The following CORO2A variants were observed in gnomAD, a reference collection of about 807,000 sequenced individuals.
The protein encoded by CORO2A is coronin-2A.
Under a neutral mutation model 62.4 loss-of-function variants are expected in CORO2A, and 47 were observed. That is an observed-to-expected ratio of 0.75 (90% CI 0.60 to 0.96). CORO2A has a LOEUF of 0.96. Ranked by LOEUF, CORO2A falls within the 40% of genes least tolerant of loss-of-function variation. CORO2A has a pLI of 0.00. For missense variants in CORO2A, 610 were observed against 684.1 expected (o/e 0.89, Z 1.21); for synonymous variants, 273 against 268.9 (o/e 1.02, Z -0.15).
intron 1 of CORO2A, among the ~76,000 whole-genome samples, chr9:98,187,174 T>G (rs567528455): frequency 6.8e-6 from 1 of 147,600 alleles, no homozygotes; most frequent in African/African-American, 2.5e-5. Context: ...TCCCAGCTAC[T>G]GGGGAGGCTG....
intron 1 of CORO2A, among the ~76,000 whole-genome samples, chr9:98,191,938 G>C (rs975443655): frequency 2.0e-5 from 3 of 152,222 alleles, no homozygotes; most frequent in Non-Finnish European, 4.4e-5. Context: ...CCTACGTGGG[G>C]CTGGTCCAGG....
chr9:98,184,325 C>A (rs910396620), intron 1 of CORO2A, among the ~76,000 whole-genome samples: 3 of 151,864 alleles, frequency 2.0e-5, no homozygotes, highest in Non-Finnish European at 4.4e-5. Context: ...CCAGGAGGAG[C>A]CACCATGCCC....
intron 8 of CORO2A, among the ~76,000 whole-genome samples, 167 bp from the exon 9 acceptor site, chr9:98,128,886 G>A (rs1364294645): frequency 6.6e-6 from 1 of 152,202 alleles, no homozygotes; most frequent in African/African-American, 2.4e-5. Flanking sequence ...GGGAAATGGA[G>A]TTGAATTAAT....
chr9:98,179,398 A>G (rs998230803), intron 1 of CORO2A, among the ~76,000 whole-genome samples: 1 of 152,132 alleles, frequency 6.6e-6, no homozygotes, highest in African/African-American at 2.4e-5. Context: ...TGAAGCAATG[A>G]CCTGCAATCC....
At chr9:98,151,615 G>A (rs763199291) in intron 2 of CORO2A, among the ~76,000 whole-genome samples, 4 of 152,002 alleles carry the variant, frequency 2.6e-5, no homozygotes, top group Non-Finnish European at 4.4e-5. Flanking sequence ...GTAAATAATA[G>A]CAGTTTTATT....
chr9:98,156,374 T>G (rs1489836789), intron 2 of CORO2A, among the ~76,000 whole-genome samples: 1 of 152,208 alleles, frequency 6.6e-6, no homozygotes, highest in African/African-American at 2.4e-5. Flanking sequence ...ATCATTAATT[T>G]TTAGGCTTCC....
chr9:98,171,861 T>C (rs934881374), intron 1 of CORO2A, among the ~76,000 whole-genome samples: 1 of 150,982 alleles, frequency 6.6e-6, no homozygotes. Context: ...CCTGAGACAG[T>C]GGGGAGGCAT....
In CORO2A at chr9:98,124,847, G is replaced by A. The variant is rs139089417; in HGVS notation, c.1505C>T (p.Thr502Ile). The change falls in exon 12 of 12, where the codon ACC becomes ATC. Residue 502 changes from threonine to isoleucine, a missense_variant. Coordinates refer to ENST00000375077, the MANE Select transcript of CORO2A (RefSeq NM_052820.4). ...CTGTTTGGCCTGGACCTCTCGCTGG[G>A]TCAACAGCTCCCGGAGCCTTCGGAT... ...EEIRRLRELL[T>I]QREVQAKQLE... The A allele has an allele frequency of 4.4e-6, 7 of 1,602,218 alleles. No individual in the cohort carries two copies. In the African/African-American group the frequency reaches 8.0e-5, roughly 18 times the overall value.
Sources: allele counts gnomAD v4.1 joint callset (sites outside exome capture counted in the v4.1 genomes callset), GRCh38; gene constraint gnomAD v4.1.1; transcripts MANE v1.5; gene names NCBI Gene and HGNC (gene_info 2026-07-23, HGNC 2026-07-21).